The following SLC35D4 variants were observed in gnomAD, a reference collection of about 807,000 sequenced individuals.
SLC35D4 encodes UDP-N-acetylglucosamine transporter SLC35D4.
At chr18:23,367,155 C>T in the SLC35D4 span, among the ~76,000 whole-genome samples, 4 of 152,106 alleles carry the variant, frequency 2.6e-5, no homozygotes, top group South Asian at 2.1e-4. Context: ...TCATCAGAAT[C>T]GCCCCAAAGG....
At chr18:23,260,513 G>C in the SLC35D4 span, 1 of 152,436 alleles carries the variant, frequency 6.6e-6, no homozygotes, top group Non-Finnish European at 1.5e-5. Context: ...TTCCGGCTTA[G>C]TGCTGAACAG....
chr18:23,376,502 G>A, the SLC35D4 span, among the ~76,000 whole-genome samples: 1 of 152,216 alleles, frequency 6.6e-6, no homozygotes, highest in Non-Finnish European at 1.5e-5. Context: ...GACTTTCAAG[G>A]CACCCCAACA....
At chr18:23,386,654 G>C in the SLC35D4 span, among the ~76,000 whole-genome samples, 69 of 148,222 alleles carry the variant, frequency 4.7e-4, no homozygotes, top group African/African-American at 1.7e-3. Flanking sequence ...GAGGAAAGGG[G>C]CCACATCAAA....
At chr18:23,368,392 G>T in the SLC35D4 span, among the ~76,000 whole-genome samples, 10 of 152,294 alleles carry the variant, frequency 6.6e-5, no homozygotes, top group South Asian at 2.1e-3. Context: ...TCGAGCTCAG[G>T]GACATGGGTG....
the SLC35D4 span, among the ~76,000 whole-genome samples, chr18:23,246,718 G>A: frequency 6.6e-6 from 1 of 151,850 alleles, no homozygotes; most frequent in South Asian, 2.1e-4. Flanking sequence ...TTTTGAGACA[G>A]TCTCACTCTG....
At chr18:23,281,044 C>T in the SLC35D4 span, among the ~76,000 whole-genome samples, 9 of 150,770 alleles carry the variant, frequency 6.0e-5, no homozygotes, top group East Asian at 7.9e-4. Context: ...ACACATTGCA[C>T]AATCCCGTGC....
the SLC35D4 span, among the ~76,000 whole-genome samples, chr18:23,348,141 T>C: frequency 2.0e-5 from 3 of 152,248 alleles, no homozygotes; most frequent in Non-Finnish European, 4.4e-5. Context: ...ATGGGGTTTT[T>C]CTAGATTTTT....
At chr18:23,381,447 C>T in the SLC35D4 span, among the ~76,000 whole-genome samples, 4 of 152,146 alleles carry the variant, frequency 2.6e-5, no homozygotes, top group Non-Finnish European at 5.9e-5. Context: ...TCAAGTGATC[C>T]TCCTGCCTTG....
the SLC35D4 span, chr18:23,356,533 A>C: frequency 6.3e-7 from 1 of 1,577,178 alleles, no homozygotes. This position sits in a 1 kb window ranked among gnomAD's most constrained non-coding sequence, Gnocchi z 4.1. Flanking sequence ...CCTGAACTTC[A>C]CAGAGAGGAA....
At chr18:23,342,540 T>C in the SLC35D4 span, among the ~76,000 whole-genome samples, 2 of 152,198 alleles carry the variant, frequency 1.3e-5, no homozygotes, top group African/African-American at 4.8e-5. Context: ...TGAACACTCA[T>C]GTATGGGTTT....
chr18:23,291,182 G>A, the SLC35D4 span, among the ~76,000 whole-genome samples: 1 of 152,192 alleles, frequency 6.6e-6, no homozygotes, highest in Non-Finnish European at 1.5e-5. Flanking sequence ...CGAAGACAGC[G>A]TCTGGGCTGA....
chr18:23,239,354 G>T, the SLC35D4 span, among the ~76,000 whole-genome samples: 8 of 152,334 alleles, frequency 5.3e-5, no homozygotes, highest in South Asian at 1.4e-3. Flanking sequence ...TTCCTGGTCG[G>T]CTCCTGGAGA....
At chr18:23,310,997 A>G in the SLC35D4 span, among the ~76,000 whole-genome samples, 5 of 152,222 alleles carry the variant, frequency 3.3e-5, no homozygotes, top group Admixed American at 3.3e-4. Flanking sequence ...AAGGATAGGG[A>G]AAGAGATTTC....
At chr18:23,436,247 C>T in the SLC35D4 span, among the ~76,000 whole-genome samples, 1 of 151,794 alleles carries the variant, frequency 6.6e-6, no homozygotes, top group South Asian at 2.1e-4. Flanking sequence ...AGGCTGGTTT[C>T]GAACTCCTGG....
At chr18:23,289,604 T>C in the SLC35D4 span, among the ~76,000 whole-genome samples, 1 of 152,148 alleles carries the variant, frequency 6.6e-6, no homozygotes, top group African/African-American at 2.4e-5. Flanking sequence ...CTCAACACTT[T>C]ACCACTATTT....
At chr18:23,337,661 G>A in the SLC35D4 span, among the ~76,000 whole-genome samples, 49 of 152,066 alleles carry the variant, frequency 3.2e-4, no homozygotes, top group African/African-American at 1.2e-3. Context: ...ACTTTCATGA[G>A]TTCATCGTAT....
chr18:23,368,676 G>A, the SLC35D4 span: 1 of 1,179,930 alleles, frequency 8.5e-7, no homozygotes, highest in Non-Finnish European at 1.2e-6. Flanking sequence ...AATCCATTAG[G>A]ATATGAATTG....
chr18:23,398,633 T>C, the SLC35D4 span, among the ~76,000 whole-genome samples: 1 of 152,210 alleles, frequency 6.6e-6, no homozygotes, highest in African/African-American at 2.4e-5. Flanking sequence ...AGAAAAATGA[T>C]TATTTAATTT....
chr18:23,418,363 T>TTAC, the SLC35D4 span, among the ~76,000 whole-genome samples: 67 of 147,592 alleles, frequency 4.5e-4, no homozygotes, highest in Non-Finnish European at 1.6e-4. Context: ...ATTATTATTA[T>TTAC]TATTATTATT....
Sources: gnomAD v4.1 joint callset for allele counts (sites outside exome capture counted in the v4.1 genomes callset) on GRCh38, gnomAD v4.1.1 for gene constraint, Gnocchi (gnomAD v3.1) non-coding constraint, MANE v1.5 for transcripts, NCBI Gene and HGNC (gene_info 2026-07-23, HGNC 2026-07-21) for gene names.